The following SANBR variants were observed in gnomAD, a reference collection of about 807,000 sequenced individuals.
SANBR encodes SANT and BTB domain regulator of CSR.
SANBR carries 77 observed loss-of-function variants against 101.8 expected under a neutral mutation model. The ratio of observed to expected loss-of-function variants is 0.76; its 90% CI spans 0.63 to 0.91. SANBR has a LOEUF of 0.91. SANBR is among the 40% of genes least tolerant of loss of function. SANBR has a pLI of 0.00. For synonymous variants in SANBR, 279 were observed against 274.7 expected (o/e 1.02, Z -0.15); for missense variants, 875 against 853.0 (o/e 1.03, Z -0.32).
In SANBR at chr2:61,071,655, A is replaced by T; in HGVS notation, c.200A>T (p.Asp67Val). 6.3e-7 allele frequency: 1 copy of T among 1,587,836 alleles called. No homozygotes were observed. The highest frequency in any genetic ancestry group is 8.5e-7 in the Non-Finnish European group (1 of 1,171,772). Residue 67 changes from aspartate to valine, a missense_variant, in exon 4 of 22, where the codon GAC (aspartate) becomes GTC (valine). Transcript: ENST00000402291. ...AAGAGCAGTGGAAGCTCGCCTGTTG[A>T]CAACCAGTATAATTCCCTAATGGCT... ...ELKSSGSSPV[D>V]NQYNSLMAAG...
intron 21 of SANBR, among the ~76,000 whole-genome samples, chr2:61,121,735 A>G (rs1202473569): frequency 6.6e-6 from 1 of 152,240 alleles, no homozygotes; most frequent in Non-Finnish European, 1.5e-5. Context: ...AGATTTGAAC[A>G]TTAATATTAC....
chr2:61,071,549 CAAA>C (rs200693095), intron 3 of SANBR, 54 bp from the exon 4 acceptor site: 1,652 of 937,822 alleles, frequency 1.8e-3, no homozygotes, highest in South Asian at 3.1e-3. Context: ...GACTCCGTCT[CAAA>C]AAAAAAAAAA....
Position 61,123,521 on chromosome 2 carries a change from T to G in SANBR, c.*1359T>G, listed in dbSNP as rs1489563438. Reference sequence around the variant, plus strand: ...ATTGTTTGATACTGTGGAAATAGACTTTTATTTTCGAAAGAAAATGTCTTG... The same window carrying G: ...ATTGTTTGATACTGTGGAAATAGACGTTTATTTTCGAAAGAAAATGTCTTG... On this transcript the variant is annotated 3_prime_UTR_variant, in exon 22 of 22. Coordinates refer to ENST00000402291, the MANE Select transcript of SANBR (RefSeq NM_001129993.3). 1 of 970,558 alleles carries G rather than the reference T, an allele frequency of 1.0e-6. No individual in the cohort carries two copies. The highest frequency in any genetic ancestry group is 6.2e-5 in the Admixed American group (1 of 16,234). 60.1% of individuals were successfully genotyped at this position (970,558 alleles called of 1,614,324 possible).
At chr2:61,131,908 C>T (rs1684700747) in intron 20 of SANBR, among the ~76,000 whole-genome samples, 1 of 152,158 alleles carries the variant, frequency 6.6e-6, no homozygotes, top group Non-Finnish European at 1.5e-5. Context: ...AACTGATTTT[C>T]ATCAAGGGTG....
rs1684733781 is a variant in SANBR, at chr2:61,132,993, T to TTTGGGA, written c.2029-1144_2029-1143insTTGGGA. Among the ~76,000 whole-genome samples, 29 of 152,362 alleles carry TTTGGGA rather than the reference T, an allele frequency of 1.9e-4. No homozygotes were observed. In the South Asian group the frequency reaches 6.0e-3, roughly 32 times the overall value. On this transcript the variant is annotated intron_variant, in intron 20 of 21. Coordinates refer to the SANBR transcript ENST00000295031. ...CTGGCCAGGTGCAGTGGCTCATGCC[T>TTTGGGA]GTAATCCCAGCACTTTGGGAGGCCA...
Position 61,097,760 on chromosome 2 carries a change from A to G in SANBR, c.1273A>G (p.Thr425Ala), listed in dbSNP as rs768839659. The G allele has an allele frequency of 5.0e-6, 8 of 1,612,496 alleles. No individual in the cohort carries two copies. In the East Asian group the frequency reaches 8.9e-5, roughly 18 times the overall value. ...CCACTCAGAAACAGTGGTTTATCCT[A>G]CTGCAGCAAGTTCATTGAATACTGT... Reference protein sequence around the residue: ...QYHSETVVYPTAASSLNTVGT... With the variant: ...QYHSETVVYPAAASSLNTVGT... The change falls in exon 12 of 22, where the codon ACT becomes GCT. Residue 425 changes from threonine (T) to alanine (A), a missense_variant. Physicochemically the swap from Thr to Ala is moderately conservative, Grantham distance 58 (BLOSUM62 0). Coordinates refer to ENST00000402291, the MANE Select transcript of SANBR (RefSeq NM_001129993.3).
chr2:61,122,836 G>A lies in SANBR; in HGVS notation c.*674G>A, dbSNP rs1684388118. On this transcript the variant is annotated 3_prime_UTR_variant, in exon 22 of 22. Transcript: ENST00000402291. ...ATTGATCATCTGAGCTGGAATTACTGATTATTACTCTGTCCTCTGTGAAAC... is the reference window on the plus strand; with the variant it reads ...ATTGATCATCTGAGCTGGAATTACTAATTATTACTCTGTCCTCTGTGAAAC... 25 of 985,176 alleles carry A rather than the reference G, an allele frequency of 2.5e-5. No homozygotes were observed. Among genetic ancestry groups the A allele is most frequent in the Non-Finnish European group, 2.9e-5 (24 of 829,728 alleles). The allele number at this position is 985,176 out of a possible 1,614,324, so 61.0% of individuals were successfully genotyped here.
At chr2:61,072,111 T>A (rs1183525327) in intron 4 of SANBR, among the ~76,000 whole-genome samples, 1 of 152,054 alleles carries the variant, frequency 6.6e-6, no homozygotes. Context: ...CTAATTTTTG[T>A]ATTTTTTTGT....
At chr2:61,081,353 C>CTCATTGAATTTTCT in intron 6 of SANBR, 99 bp from the exon 7 acceptor site, 2 of 1,166,208 alleles carry the variant, frequency 1.7e-6, no homozygotes, top group Non-Finnish European at 2.4e-6. Context: ...TTAAATTATT[C>CTCATTGAATTTTCT]TTATTCCAGT....
chr2:61,115,620 C>T (rs1166731319), intron 16 of SANBR, among the ~76,000 whole-genome samples: 2 of 152,020 alleles, frequency 1.3e-5, no homozygotes, highest in Non-Finnish European at 2.9e-5. Context: ...CTAGAGATTT[C>T]AATACTTCTT....
chr2:61,088,452 G>A lies in SANBR; in HGVS notation c.1072G>A (p.Val358Ile), dbSNP rs188631150. Reference sequence around the variant, plus strand: ...CAATGTGGATCGACGTGGAAATATTGTCTATATTCACATAAGGTGTCGTGA... The same window carrying A: ...CAATGTGGATCGACGTGGAAATATTATCTATATTCACATAAGGTGTCGTGA... ...KINVDRRGNI[V>I]YIHIRDKTWD... Residue 358 changes from valine to isoleucine, a missense_variant, in exon 10 of 22, where the codon GTC (valine) becomes ATC (isoleucine). By Grantham distance (29) the Val-to-Ile change is conservative (BLOSUM62 3). Transcript: ENST00000402291. 3.0e-4 allele frequency: 480 copies of A among 1,602,622 alleles called. No homozygotes were observed. Among genetic ancestry groups the A allele is most frequent in the Non-Finnish European group, 3.8e-4 (447 of 1,172,848 alleles).
intron 10 of SANBR, among the ~76,000 whole-genome samples, chr2:61,089,876 T>C (rs1041018394): frequency 1.3e-5 from 2 of 152,044 alleles, no homozygotes; most frequent in Admixed American, 6.6e-5. Flanking sequence ...CACTGCAGCC[T>C]TGAACTCCTG....
chr2:61,084,457 A>T (rs1682314665), intron 8 of SANBR, among the ~76,000 whole-genome samples: 1 of 152,030 alleles, frequency 6.6e-6, no homozygotes, highest in Non-Finnish European at 1.5e-5. Flanking sequence ...CTGAGGTGGG[A>T]TGATTGCTTG....
At chr2:61,077,724 C>A (rs2104861368) in intron 6 of SANBR, among the ~76,000 whole-genome samples, 1 of 152,286 alleles carries the variant, frequency 6.6e-6, no homozygotes, top group Middle Eastern at 3.4e-3. Flanking sequence ...AAGTCCACTC[C>A]TACTGCACAG....
At chr2:61,105,275 A>G (rs1419808519) in intron 13 of SANBR, among the ~76,000 whole-genome samples, 2 of 151,726 alleles carry the variant, frequency 1.3e-5, no homozygotes, top group Non-Finnish European at 2.9e-5. Context: ...CTGAGGCAGG[A>G]GAAGTGCTTG....
intron 12 of SANBR, among the ~76,000 whole-genome samples, chr2:61,098,553 T>C (rs1192567443): frequency 6.6e-6 from 1 of 152,238 alleles, no homozygotes; most frequent in African/African-American, 2.4e-5. Context: ...TATCACAATT[T>C]AACCATTCTC....
Position 61,098,016 on chromosome 2 carries a change from G to C in SANBR, c.1365+164G>C, listed in dbSNP as rs543182802. ...CTTCTTAGAGATAATCACTGTTAAT[G>C]GTTTCCTTTTAGACCTTCTTTTGTA... On this transcript the variant is annotated intron_variant, in intron 12 of 21. Coordinates refer to ENST00000402291, the MANE Select transcript of SANBR (RefSeq NM_001129993.3). 5.3e-4 allele frequency among the ~76,000 whole-genome samples: 79 copies of C among 150,448 alleles called. 1 individual carries two copies. The highest frequency in any genetic ancestry group is 1.9e-3 in the African/African-American group (76 of 40,978).
chr2:61,114,909 G>A (rs1001467513), intron 16 of SANBR, among the ~76,000 whole-genome samples: 3 of 152,040 alleles, frequency 2.0e-5, no homozygotes, highest in Non-Finnish European at 2.9e-5. Context: ...CTCCTACCTC[G>A]GCCTCCCAAA....
intron 12 of SANBR, among the ~76,000 whole-genome samples, chr2:61,100,931 A>G (rs1287550442): frequency 6.6e-6 from 1 of 152,106 alleles, no homozygotes; most frequent in Admixed American, 6.6e-5. Flanking sequence ...TGGGTAGTTG[A>G]GTTTATCTAG....
Sources: allele counts gnomAD v4.1 joint callset (sites outside exome capture counted in the v4.1 genomes callset), GRCh38; gene constraint gnomAD v4.1.1; transcripts MANE v1.5; gene names NCBI Gene and HGNC (gene_info 2026-07-23, HGNC 2026-07-21).